Variants in KHDRBS2 observed in about 807,000 individuals in gnomAD.
KHDRBS2 encodes the protein KH domain-containing, RNA-binding, signal transduction-associated protein 2.
In KHDRBS2, 26 loss-of-function variants were observed where a neutral mutation model predicts 44.3. The observed-to-expected ratio is 0.59, with a 90% CI of 0.43 to 0.81. The LOEUF (loss-of-function observed/expected upper bound fraction) is 0.81. Among genes scored for constraint, KHDRBS2 ranks in the 40% least tolerant of loss-of-function variants. The pLI is 0.00. For missense variants in KHDRBS2, 476 were observed against 433.1 expected (o/e 1.10, Z -0.88); for synonymous variants, 194 against 151.1 (o/e 1.28, Z -2.08).
intron 6 of KHDRBS2, among the ~76,000 whole-genome samples, chr6:61,857,397 G>A (rs904955457): frequency 6.6e-6 from 1 of 151,668 alleles, no homozygotes; most frequent in African/African-American, 2.4e-5. Context: ...CTTAAAAATA[G>A]TCTCAAATGA....
chr6:62,018,299 A>G (rs867683595), intron 3 of KHDRBS2, among the ~76,000 whole-genome samples: 16 of 146,234 alleles, frequency 1.1e-4, no homozygotes, highest in African/African-American at 3.5e-4. Context: ...ATATATATAT[A>G]TGTGTGTGTG....
chr6:61,773,426 T>G (rs1424060424), intron 6 of KHDRBS2, among the ~76,000 whole-genome samples: 4 of 152,180 alleles, frequency 2.6e-5, no homozygotes, highest in East Asian at 1.9e-4. Context: ...TTTTTTTGGC[T>G]GCATAAATGT....
chr6:61,968,785 C>T (rs542600516), intron 4 of KHDRBS2, among the ~76,000 whole-genome samples: 3 of 151,970 alleles, frequency 2.0e-5, no homozygotes, highest in African/African-American at 7.2e-5. Flanking sequence ...CTGATCAGGC[C>T]CTTTTTTGTT....
chr6:62,014,254 A>G (rs1365447485), intron 3 of KHDRBS2, among the ~76,000 whole-genome samples: 1 of 152,174 alleles, frequency 6.6e-6, no homozygotes, highest in Non-Finnish European at 1.5e-5. Flanking sequence ...TGTCTTTGAT[A>G]AGAATCAATT....
the KHDRBS2 span, among the ~76,000 whole-genome samples, chr6:61,649,094 G>A: frequency 6.6e-6 from 1 of 152,096 alleles, no homozygotes; most frequent in Non-Finnish European, 1.5e-5. Context: ...TTCACAGCAG[G>A]AGTCTGTCTA....
At chr6:62,211,823 T>C (rs1289691169) in intron 1 of KHDRBS2, among the ~76,000 whole-genome samples, 2 of 152,120 alleles carry the variant, frequency 1.3e-5, no homozygotes, top group Admixed American at 1.3e-4. Flanking sequence ...CCCAAAGGAA[T>C]ATAAATCATT....
At chr6:61,696,549 G>A (rs1414097912) in intron 8 of KHDRBS2, among the ~76,000 whole-genome samples, 2 of 151,928 alleles carry the variant, frequency 1.3e-5, no homozygotes, top group Admixed American at 6.6e-5. Context: ...GAGCCACCAC[G>A]CCCGGCCACA....
intron 6 of KHDRBS2, among the ~76,000 whole-genome samples, chr6:61,883,622 A>G (rs1800514778): frequency 6.6e-6 from 1 of 152,082 alleles, no homozygotes. Context: ...TTAAAAGGTG[A>G]CATCTTACAT....
intron 2 of KHDRBS2, among the ~76,000 whole-genome samples, chr6:62,114,188 C>T (rs1307453294): frequency 1.3e-5 from 2 of 152,052 alleles, no homozygotes; most frequent in African/African-American, 2.4e-5. Context: ...AACTACAATT[C>T]AAGATGAGAT....
chr6:61,974,234 G>A (rs1772016241), intron 4 of KHDRBS2, among the ~76,000 whole-genome samples: 1 of 152,096 alleles, frequency 6.6e-6, no homozygotes, highest in Non-Finnish European at 1.5e-5. Context: ...TTGTATTCAT[G>A]GTCCTAGGTA....
chr6:61,837,375 G>A (rs1792859816), intron 6 of KHDRBS2, among the ~76,000 whole-genome samples: 1 of 152,030 alleles, frequency 6.6e-6, no homozygotes, highest in East Asian at 1.9e-4. Flanking sequence ...ATCTTCCTTA[G>A]GCACCAACAG....
At chr6:61,925,023 AT>A (rs1301169061) in intron 4 of KHDRBS2, among the ~76,000 whole-genome samples, 2 of 152,188 alleles carry the variant, frequency 1.3e-5, no homozygotes, top group Non-Finnish European at 2.9e-5. Context: ...ATGTTAAGCC[AT>A]TTAATTATTT....
At chr6:62,025,135 A>G (rs1005346116) in intron 3 of KHDRBS2, among the ~76,000 whole-genome samples, 5 of 151,784 alleles carry the variant, frequency 3.3e-5, no homozygotes, top group Non-Finnish European at 7.4e-5. Flanking sequence ...TTCTCAAATT[A>G]GTATACTTAA....
chr6:62,048,264 A>G (rs565996196), intron 2 of KHDRBS2, among the ~76,000 whole-genome samples: 17 of 151,994 alleles, frequency 1.1e-4, no homozygotes, highest in South Asian at 4.1e-4. Flanking sequence ...TCATTTACAT[A>G]TATAATCAAA....
chr6:62,176,829 T>C (rs1422969402), intron 2 of KHDRBS2, among the ~76,000 whole-genome samples: 1 of 151,314 alleles, frequency 6.6e-6, no homozygotes, highest in Non-Finnish European at 1.5e-5. Flanking sequence ...TTTAGTATTA[T>C]TAACTCTACT....
At chr6:61,910,301 C>T (rs565276221) in intron 4 of KHDRBS2, among the ~76,000 whole-genome samples, 27 of 152,260 alleles carry the variant, frequency 1.8e-4, no homozygotes, top group South Asian at 1.7e-3. Flanking sequence ...CCAGAAAAAA[C>T]GCATTATTAA....
At chr6:62,002,704 T>A (rs1200481104) in intron 3 of KHDRBS2, among the ~76,000 whole-genome samples, 1 of 151,334 alleles carries the variant, frequency 6.6e-6, no homozygotes, top group Non-Finnish European at 1.5e-5. Context: ...AATGGCATTA[T>A]CATGAAAGTC....
At chr6:62,132,247 T>C (rs1430243815) in intron 2 of KHDRBS2, among the ~76,000 whole-genome samples, 1 of 152,208 alleles carries the variant, frequency 6.6e-6, no homozygotes, top group Non-Finnish European at 1.5e-5. Flanking sequence ...GATTAATCTG[T>C]CAGCTAAGTC....
chr6:61,544,640 C>T, the KHDRBS2 span, among the ~76,000 whole-genome samples: 1 of 151,986 alleles, frequency 6.6e-6, no homozygotes, highest in Non-Finnish European at 1.5e-5. Context: ...TTCCTGGGCA[C>T]TACATTAGAT....
Sources: gnomAD v4.1 joint callset for allele counts (sites outside exome capture counted in the v4.1 genomes callset) on GRCh38, gnomAD v4.1.1 for gene constraint, MANE v1.5 for transcripts, NCBI Gene and HGNC (gene_info 2026-07-23, HGNC 2026-07-21) for gene names.